The following TMPRSS11E variants were observed in gnomAD, a reference collection of about 807,000 sequenced individuals.
The protein encoded by TMPRSS11E is transmembrane serine protease 11E, also known as transmembrane protease serine 11E.
TMPRSS11E carries 38 observed loss-of-function variants against 48.1 expected under a neutral mutation model. The observed-to-expected ratio is 0.79, with a 90% CI of 0.61 to 1.04. TMPRSS11E has a LOEUF of 1.04. Ranked by LOEUF, TMPRSS11E falls within the 50% of genes least tolerant of loss-of-function variation. TMPRSS11E has a pLI of 0.00. For synonymous variants in TMPRSS11E, 158 were observed against 171.9 expected, an observed-to-expected ratio of 0.92 and a Z score of 0.63; for missense variants, 530 against 510.8, an observed-to-expected ratio of 1.04 and a Z score of -0.36.
At position 68,478,836 on chromosome 4, in the gene TMPRSS11E, T is replaced by C. The variant is rs764485520; in HGVS notation, c.968-13T>C. The stretch of plus-strand genomic sequence containing the variant: ...TGTATGTCTACAAATACAAAGACTT[T>C]TTTTTCTTTTAGGTTACAGTCAAAA... On this transcript the variant is annotated splice_polypyrimidine_tract_variant and intron_variant, in intron 8 of 9. Transcript: ENST00000305363. 24 of 1,610,490 alleles carry C rather than the reference T, an allele frequency of 1.5e-5. No homozygotes were observed. Among genetic ancestry groups the C allele is most frequent in the Non-Finnish European group, 2.0e-5 (23 of 1,179,114 alleles).
At chr4:68,487,316 A>G (rs2708676) in intron 9 of TMPRSS11E, among the ~76,000 whole-genome samples, 141,999 of 151,580 alleles carry the variant, frequency 0.94, 67,139 homozygotes, top group Non-Finnish European at 1. Flanking sequence ...GCAAAGGTGC[A>G]ATCTGAGCTC....
At chr4:68,478,824 AT>A in intron 8 of TMPRSS11E, 24 bp from the exon 9 acceptor site, 1 of 1,610,684 alleles carries the variant, frequency 6.2e-7, no homozygotes, top group Non-Finnish European at 8.5e-7. Context: ...ATGTCTACAA[AT>A]ACAAAGACTT....
intron 1 of TMPRSS11E, among the ~76,000 whole-genome samples, chr4:68,458,191 C>G (rs1407684246): frequency 1.3e-5 from 2 of 152,114 alleles, no homozygotes; most frequent in Non-Finnish European, 2.9e-5. Context: ...TTTTCCAGTG[C>G]TTGCCATTAG....
chr4:68,482,427 C>T (rs1729430399), intron 9 of TMPRSS11E, among the ~76,000 whole-genome samples: 5 of 151,752 alleles, frequency 3.3e-5, no homozygotes, highest in Non-Finnish European at 7.4e-5. Context: ...TAACAGTCCC[C>T]AAAAGTCTTA....
In TMPRSS11E at chr4:68,492,179, A is replaced by G. The variant is rs191548093; in HGVS notation, c.1111-4464A>G. Among the ~76,000 whole-genome samples, 25 of 152,272 alleles carry G rather than the reference A, an allele frequency of 1.6e-4. No homozygotes were observed. In the South Asian group the frequency reaches 3.5e-3, roughly 21 times the overall value. The stretch of plus-strand genomic sequence containing the variant: ...CAATTGAAATTGATTCTGTAATTCA[A>G]TCTCCTGAAATGAATTCAACTTAAA... On this transcript the variant is annotated intron_variant, in intron 9 of 9. Transcript: ENST00000305363.
At position 68,474,706 on chromosome 4, in the gene TMPRSS11E, A is replaced by G. The variant is rs766807477; in HGVS notation, c.491-17A>G. 2.5e-6 allele frequency: 4 copies of G among 1,606,612 alleles called. No homozygotes were observed. In the South Asian group the frequency reaches 3.4e-5, roughly 14 times the overall value. On this transcript the variant is annotated splice_polypyrimidine_tract_variant and intron_variant, in intron 5 of 9. Coordinates refer to ENST00000305363, the MANE Select transcript of TMPRSS11E (RefSeq NM_014058.4). The stretch of plus-strand genomic sequence containing the variant: ...CTCTGATGTGCTGACCCTATTTGCC[A>G]TTTCTGTGTGTTTCAGAAATCAACA...
chr4:68,482,523 G>A (rs547330715), intron 9 of TMPRSS11E, among the ~76,000 whole-genome samples: 26 of 149,248 alleles, frequency 1.7e-4, no homozygotes, highest in African/African-American at 6.2e-4. Context: ...GAAGGCCAAG[G>A]TGGGTGGATT....
chr4:68,470,458 G>T (rs1729034860), intron 4 of TMPRSS11E, among the ~76,000 whole-genome samples: 1 of 151,754 alleles, frequency 6.6e-6, no homozygotes. Context: ...GGATACTTGG[G>T]TTGTTACTTA....
rs1207554553 is a variant in TMPRSS11E at position 68,452,496 on chromosome 4, G to T, written c.11+4973G>T. On this transcript the variant is annotated intron_variant, in intron 1 of 9. Coordinates refer to ENST00000305363, the MANE Select transcript of TMPRSS11E (RefSeq NM_014058.4). ...ATTTTAATATTACCATGACTTTACA[G>T]CTAGGGAAACCAAAAATTAGGAAGA... 2.0e-5 allele frequency among the ~76,000 whole-genome samples: 3 copies of T among 151,878 alleles called. No individual in the cohort carries two copies. The East Asian group carries it at 5.8e-4, about 29-fold the overall frequency.
At chr4:68,470,203 C>T (rs951422264) in intron 4 of TMPRSS11E, among the ~76,000 whole-genome samples, 17 of 151,354 alleles carry the variant, frequency 1.1e-4, no homozygotes, top group African/African-American at 3.9e-4. Context: ...GTAAATTTCT[C>T]AGAAAAAGAA....
intron 5 of TMPRSS11E, 29 bp from the exon 6 acceptor site, chr4:68,474,694 A>G: frequency 1.9e-6 from 3 of 1,605,134 alleles, no homozygotes; most frequent in Non-Finnish European, 2.5e-6. Context: ...TGATGTGCTG[A>G]CCCTATTTGC....
At chr4:68,483,085 T>C (rs2603173) in intron 9 of TMPRSS11E, among the ~76,000 whole-genome samples, 100,455 of 152,028 alleles carry the variant, frequency 0.66, 33,576 homozygotes, top group East Asian at 0.86. Flanking sequence ...TATCTGAGGC[T>C]GGGTAATTTA....
At chr4:68,481,731 C>T (rs1247440485) in intron 9 of TMPRSS11E, among the ~76,000 whole-genome samples, 1 of 152,166 alleles carries the variant, frequency 6.6e-6, no homozygotes, top group Non-Finnish European at 1.5e-5. Context: ...AGGTGGATCA[C>T]TAGAGCTCAG....
At chr4:68,454,480 T>C (rs1277166158) in intron 1 of TMPRSS11E, among the ~76,000 whole-genome samples, 1 of 151,944 alleles carries the variant, frequency 6.6e-6, no homozygotes, top group East Asian at 1.9e-4. Context: ...AAAAATTTCA[T>C]AAATTTTATG....
chr4:68,449,440 C>T (rs1018728903), intron 1 of TMPRSS11E, among the ~76,000 whole-genome samples: 2 of 151,380 alleles, frequency 1.3e-5, no homozygotes, highest in African/African-American at 4.8e-5. Flanking sequence ...TTATAGGCAT[C>T]GACATCCACA....
chr4:68,462,020 C>G (rs144869660), intron 2 of TMPRSS11E, 75 bp downstream of exon 2: 34,641 of 1,568,352 alleles, frequency 0.022, 516 homozygotes, highest in Non-Finnish European at 0.028. Flanking sequence ...TGATTTGCCT[C>G]AGGCTTATTC....
intron 1 of TMPRSS11E, among the ~76,000 whole-genome samples, chr4:68,455,779 G>A (rs142861750): frequency 0.021 from 3,150 of 151,922 alleles, 87 homozygotes; most frequent in African/African-American, 0.058. Flanking sequence ...CAATGGCATC[G>A]CTCGTTAACT....
Position 68,452,893 on chromosome 4 carries a change from T to C in TMPRSS11E, c.11+5370T>C, listed in dbSNP as rs144440784. Among the ~76,000 whole-genome samples, 955 of 152,104 alleles carry C rather than the reference T, an allele frequency of 6.3e-3. 8 individuals carry two copies. Among genetic ancestry groups the C allele is most frequent in the Middle Eastern group, 0.051 (15 of 294 alleles). On this transcript the variant is annotated intron_variant, in intron 1 of 9. Coordinates refer to ENST00000305363, the MANE Select transcript of TMPRSS11E (RefSeq NM_014058.4). ...AGGGTAATGAATTCTTGTACTAAAC[T>C]GTAGGACAACTGGCAGCTGCCTGAC... is the stretch of plus-strand genomic sequence containing the variant.
At chr4:68,465,810 T>C (rs534848488) in intron 2 of TMPRSS11E, among the ~76,000 whole-genome samples, 15 of 152,286 alleles carry the variant, frequency 9.8e-5, no homozygotes, top group African/African-American at 3.4e-4. Context: ...CAGTGTCTCT[T>C]CCTGAAAAGT....
Sources: allele counts gnomAD v4.1 joint callset (sites outside exome capture counted in the v4.1 genomes callset), GRCh38; gene constraint gnomAD v4.1.1; transcripts MANE v1.5; gene names NCBI Gene and HGNC (gene_info 2026-07-23, HGNC 2026-07-21).